CELF4: variants seen among roughly 807,000 people sequenced by gnomAD.
CELF4 encodes CUGBP Elav-like family member 4.
CELF4 carries 18 observed loss-of-function variants against 59.9 expected under a neutral mutation model. The ratio of observed to expected loss-of-function variants is 0.30; its 90% confidence interval spans 0.21 to 0.45. CELF4 has a LOEUF of 0.45. Among genes scored for constraint, CELF4 ranks in the 20% least tolerant of loss-of-function variants. CELF4 has a pLI of 1.00. For missense variants in CELF4, 456 were observed against 689.0 expected (o/e 0.66, Z 3.79); for synonymous variants, 261 against 267.1 (o/e 0.98, Z 0.22).
intron 2 of CELF4, among the ~76,000 whole-genome samples, chr18:37,356,506 G>C (rs2098580741): frequency 6.6e-6 from 1 of 152,174 alleles, no homozygotes. Flanking sequence ...AAGGCCATTG[G>C]TGCTGGGAAG....
chr18:37,446,083 C>T (rs1332187013), intron 2 of CELF4, among the ~76,000 whole-genome samples: 2 of 152,204 alleles, frequency 1.3e-5, no homozygotes, highest in East Asian at 1.9e-4. Context: ...CTCATGCTTG[C>T]GGTTGCTGCT....
chr18:37,482,483 A>G (rs1276593005), intron 2 of CELF4, among the ~76,000 whole-genome samples: 1 of 152,202 alleles, frequency 6.6e-6, no homozygotes, highest in African/African-American at 2.4e-5. Flanking sequence ...AAACTCAAAA[A>G]TAATAATCCA....
rs563120563 is a variant in CELF4, at chr18:37,331,771, C to A, written c.370-9890G>T. ...TGGATGGGGTGGGGGTGGGAATAACCACCAAAGACCTGGAGGAGAGTGGAG... is the reference window on the plus strand; with the variant it reads ...TGGATGGGGTGGGGGTGGGAATAACAACCAAAGACCTGGAGGAGAGTGGAG... On this transcript the variant is annotated intron_variant, in intron 2 of 12. Coordinates refer to ENST00000420428, the MANE Select transcript of CELF4 (RefSeq NM_020180.4). Among the ~76,000 whole-genome samples the A allele has an allele frequency of 1.2e-4, 18 of 151,996 alleles. No individual in the cohort carries two copies. The South Asian group carries it at 3.8e-3, about 32-fold the overall frequency.
chr18:37,358,473 G>A (rs1023433427), intron 2 of CELF4, among the ~76,000 whole-genome samples: 15 of 152,270 alleles, frequency 9.9e-5, no homozygotes, highest in South Asian at 2.1e-4. Flanking sequence ...TATCAGCAGC[G>A]TGAAAACGGA....
intron 1 of CELF4, among the ~76,000 whole-genome samples, chr18:37,546,026 C>T (rs2099981310): frequency 6.6e-6 from 1 of 152,204 alleles, no homozygotes; most frequent in African/African-American, 2.4e-5. Flanking sequence ...TTTTCCCACA[C>T]TCCTCCCCTA....
At chr18:37,279,429 G>A (rs1381441284) in intron 3 of CELF4, among the ~76,000 whole-genome samples, 2 of 152,206 alleles carry the variant, frequency 1.3e-5, no homozygotes, top group Admixed American at 6.5e-5. Flanking sequence ...AGCCCTGGGA[G>A]TTGGAAAGTG....
intron 2 of CELF4, among the ~76,000 whole-genome samples, chr18:37,340,734 G>A (rs1385055240): frequency 1.3e-5 from 2 of 152,180 alleles, no homozygotes; most frequent in East Asian, 3.9e-4. Flanking sequence ...TGAAGAACGT[G>A]TCCATGCTGA....
At chr18:37,533,381 G>A (rs182247894) in intron 1 of CELF4, among the ~76,000 whole-genome samples, 2 of 152,294 alleles carry the variant, frequency 1.3e-5, no homozygotes, top group East Asian at 3.9e-4. Context: ...TTCTAACATG[G>A]AGTCAATGTC....
At chr18:37,399,955 T>G (rs536839120) in intron 2 of CELF4, among the ~76,000 whole-genome samples, 3 of 152,348 alleles carry the variant, frequency 2.0e-5, no homozygotes, top group Non-Finnish European at 4.4e-5. Flanking sequence ...GAATAGATGC[T>G]GAGGGAAAGG....
At chr18:37,351,169 C>CGGA (rs1339114837) in intron 2 of CELF4, among the ~76,000 whole-genome samples, 1 of 151,902 alleles carries the variant, frequency 6.6e-6, no homozygotes, top group Non-Finnish European at 1.5e-5. Flanking sequence ...TCTTGACAGC[C>CGGA]GGAGATCCTG....
At chr18:37,470,837 T>A (rs536359263) in intron 2 of CELF4, among the ~76,000 whole-genome samples, 7 of 13,840 alleles carry the variant, frequency 5.1e-4, no homozygotes, top group African/African-American at 1.6e-3. Context: ...TTCATGACTC[T>A]GTGTGTGTGT....
chr18:37,492,880 T>C (rs1051556294), intron 1 of CELF4, among the ~76,000 whole-genome samples: 1 of 152,114 alleles, frequency 6.6e-6, no homozygotes, highest in South Asian at 2.1e-4. Context: ...TCAGCAGGAC[T>C]GAGTAACAGG....
At chr18:37,390,119 C>A (rs1164109213) in intron 2 of CELF4, among the ~76,000 whole-genome samples, 2 of 152,208 alleles carry the variant, frequency 1.3e-5, no homozygotes, top group African/African-American at 4.8e-5. Context: ...AGGATGGCTT[C>A]TAGGACACCT....
At chr18:37,284,448 C>T (rs373516380) in intron 3 of CELF4, among the ~76,000 whole-genome samples, 1 of 152,202 alleles carries the variant, frequency 6.6e-6, no homozygotes, top group Non-Finnish European at 1.5e-5. Flanking sequence ...TTCTCGCCTG[C>T]GCCTGGCCTC....
intron 2 of CELF4, among the ~76,000 whole-genome samples, chr18:37,454,677 T>G (rs2099773260): frequency 6.6e-6 from 1 of 151,944 alleles, no homozygotes; most frequent in Non-Finnish European, 1.5e-5. Flanking sequence ...GGAAAAAGAG[T>G]CCGCCTGCAA....
At chr18:37,365,235 T>C (rs934268683) in intron 2 of CELF4, among the ~76,000 whole-genome samples, 9 of 151,828 alleles carry the variant, frequency 5.9e-5, no homozygotes, top group Admixed American at 5.9e-4. Flanking sequence ...AGCAGGAGAG[T>C]AGCCCACAGA....
At chr18:37,509,900 CA>C (rs2099942329) in intron 1 of CELF4, among the ~76,000 whole-genome samples, 1 of 152,154 alleles carries the variant, frequency 6.6e-6, no homozygotes, top group Non-Finnish European at 1.5e-5. Context: ...TGAAAGAAGC[CA>C]GACACAAGAG....
intron 2 of CELF4, among the ~76,000 whole-genome samples, chr18:37,360,362 C>G (rs910444333): frequency 1.3e-5 from 2 of 152,188 alleles, no homozygotes; most frequent in African/African-American, 2.4e-5. Context: ...CTGGCACCCA[C>G]CGGCTGCACA....
chr18:37,330,094 A>G (rs1299009237), intron 2 of CELF4, among the ~76,000 whole-genome samples: 1 of 152,202 alleles, frequency 6.6e-6, no homozygotes, highest in African/African-American at 2.4e-5. Flanking sequence ...GATGCAACCA[A>G]CTCGATAAGG....
Sources: gnomAD v4.1 joint callset for allele counts (sites outside exome capture counted in the v4.1 genomes callset) on GRCh38, gnomAD v4.1.1 for gene constraint, MANE v1.5 for transcripts, NCBI Gene and HGNC (gene_info 2026-07-23, HGNC 2026-07-21) for gene names.